The following GPC5 variants were observed in gnomAD, a reference collection of about 807,000 sequenced individuals.
GPC5 encodes glypican-5.
GPC5 carries 47 observed loss-of-function variants against 53.9 expected under a neutral mutation model. The observed-to-expected ratio is 0.87, with a 90% CI of 0.69 to 1.11. GPC5 has a LOEUF of 1.11. GPC5 is among the 50% of genes most tolerant of loss of function. GPC5 has a pLI of 0.00. For synonymous variants in GPC5, 286 were observed against 263.3 expected, an observed-to-expected ratio of 1.09 and a Z score of -0.84; for missense variants, 748 against 713.1, an observed-to-expected ratio of 1.05 and a Z score of -0.56.
At chr13:91,968,080 A>G (rs1033952347) in intron 6 of GPC5, among the ~76,000 whole-genome samples, 1 of 152,104 alleles carries the variant, frequency 6.6e-6, no homozygotes, top group African/African-American at 2.4e-5. Context: ...CTGTATTTGT[A>G]GAACACATAT....
intron 7 of GPC5, among the ~76,000 whole-genome samples, chr13:92,263,707 T>C (rs1018096469): frequency 6.6e-6 from 1 of 152,158 alleles, no homozygotes. Context: ...ACCCATAGTG[T>C]TCAATTTTTA....
At chr13:92,154,886 A>C (rs563462871) in intron 7 of GPC5, among the ~76,000 whole-genome samples, 9 of 152,356 alleles carry the variant, frequency 5.9e-5, no homozygotes, top group South Asian at 2.1e-4. Context: ...ACTTTATTCC[A>C]CATTAAATAT....
chr13:92,036,822 G>A (rs1227720417), intron 6 of GPC5, among the ~76,000 whole-genome samples: 2 of 152,104 alleles, frequency 1.3e-5, no homozygotes, highest in Non-Finnish European at 1.5e-5. Flanking sequence ...TGTTATACTT[G>A]TCTTCATTAG....
intron 7 of GPC5, among the ~76,000 whole-genome samples, chr13:92,615,435 G>A (rs1884648020): frequency 6.6e-6 from 1 of 152,150 alleles, no homozygotes; most frequent in East Asian, 1.9e-4. Flanking sequence ...ATGTGGTTTA[G>A]CAGGATTACT....
chr13:91,985,420 T>C (rs541802408), intron 6 of GPC5, among the ~76,000 whole-genome samples: 7 of 151,764 alleles, frequency 4.6e-5, no homozygotes, highest in Non-Finnish European at 7.4e-5. Context: ...AATTATTTGG[T>C]TCACTTCGAT....
chr13:92,709,449 C>A (rs957734311), intron 7 of GPC5: 1 of 152,164 alleles, frequency 6.6e-6, no homozygotes, highest in African/African-American at 2.4e-5. Context: ...AACAATCTTA[C>A]ATATCGATGA....
chr13:91,556,104 C>A (rs905309247), intron 2 of GPC5, among the ~76,000 whole-genome samples: 1 of 151,970 alleles, frequency 6.6e-6, no homozygotes, highest in African/African-American at 2.4e-5. Flanking sequence ...CCCCTGGCAA[C>A]CACTACTTTG....
In GPC5 at chr13:91,551,277, T is replaced by C. The variant is rs146241210; in HGVS notation, c.325+102355T>C. Among the ~76,000 whole-genome samples the C allele has an allele frequency of 9.5e-3, 1,440 of 152,190 alleles. 22 individuals carry two copies. The highest frequency in any genetic ancestry group is 0.033 in the African/African-American group (1,365 of 41,536). On this transcript the variant is annotated intron_variant, in intron 2 of 7. Transcript: ENST00000377067. ...AAATCTTTAAAAAATCAGAGTGAAA[T>C]GGAAAATTGCTCAGAGATGAAAATT...
At chr13:92,795,261 C>G (rs1876627960) in intron 7 of GPC5, among the ~76,000 whole-genome samples, 1 of 152,042 alleles carries the variant, frequency 6.6e-6, no homozygotes, top group South Asian at 2.1e-4. Flanking sequence ...CTTTGACAAA[C>G]CTACAAAAAC....
At chr13:92,271,721 T>A (rs578103840) in intron 7 of GPC5, among the ~76,000 whole-genome samples, 8 of 152,036 alleles carry the variant, frequency 5.3e-5, no homozygotes, top group African/African-American at 1.9e-4. Context: ...AGAAAGAAGG[T>A]AGAGCTCTAG....
intron 7 of GPC5, among the ~76,000 whole-genome samples, chr13:92,782,295 A>G (rs748518159): frequency 6.6e-6 from 1 of 152,140 alleles, no homozygotes; most frequent in Non-Finnish European, 1.5e-5. Flanking sequence ...TAATAATGTC[A>G]TGTACATTAT....
chr13:91,432,115 TTTTAAAACTTAGGGGATGAG>T (rs1879495217), intron 1 of GPC5, among the ~76,000 whole-genome samples: 1 of 150,774 alleles, frequency 6.6e-6, no homozygotes. Flanking sequence ...TTGAGGTCTC[TTTTAAAACTTAGGGGATGAG>T]ACTGCAGTTA....
At chr13:91,814,037 A>G (rs1419945101) in intron 5 of GPC5, among the ~76,000 whole-genome samples, 3 of 141,656 alleles carry the variant, frequency 2.1e-5, no homozygotes, top group African/African-American at 5.3e-5. Context: ...GGTTCAAGCC[A>G]TTCTCCTGCC....
chr13:92,546,748 C>T (rs561558575), intron 7 of GPC5, among the ~76,000 whole-genome samples: 6 of 152,254 alleles, frequency 3.9e-5, no homozygotes, highest in Non-Finnish European at 8.8e-5. Flanking sequence ...GGAGGCATCA[C>T]GCTACCTGAC....
At chr13:91,792,762 G>T (rs2037987189) in intron 5 of GPC5, among the ~76,000 whole-genome samples, 3 of 152,022 alleles carry the variant, frequency 2.0e-5, no homozygotes, top group Admixed American at 2.0e-4. Flanking sequence ...CATTTCTTTG[G>T]CTTCGAATGA....
rs150563443 is a variant in GPC5, at chr13:91,610,523, C to T, written c.326-82664C>T. ...TTCAAATGTGACAGTAGTTTTGTGG[C>T]GATATCAGCATTCCACCAGGAATTC... On this transcript the variant is annotated intron_variant, in intron 2 of 7. Transcript: ENST00000377067. Among the ~76,000 whole-genome samples, 284 of 152,210 alleles carry T rather than the reference C, an allele frequency of 1.9e-3. 1 individual carries two copies. The highest frequency in any genetic ancestry group is 3.5e-3 in the Non-Finnish European group (239 of 68,010).
intron 6 of GPC5, among the ~76,000 whole-genome samples, chr13:92,034,478 A>G (rs1292302296): frequency 1.3e-5 from 2 of 152,208 alleles, no homozygotes; most frequent in Admixed American, 6.5e-5. Flanking sequence ...AGCCTGGGCA[A>G]CAAGAGTGAA....
chr13:92,661,784 G>A (rs991368445), intron 7 of GPC5, among the ~76,000 whole-genome samples: 1 of 152,146 alleles, frequency 6.6e-6, no homozygotes, highest in Non-Finnish European at 1.5e-5. Context: ...TTTCATGGAA[G>A]TTATGCCAGC....
chr13:92,005,080 G>A (rs1045593102), intron 6 of GPC5, among the ~76,000 whole-genome samples: 3 of 152,068 alleles, frequency 2.0e-5, no homozygotes, highest in African/African-American at 7.2e-5. Flanking sequence ...ACACACCCAG[G>A]AACAATACTT....
Sources: gnomAD v4.1 joint callset for allele counts (sites outside exome capture counted in the v4.1 genomes callset) on GRCh38, gnomAD v4.1.1 for gene constraint, MANE v1.5 for transcripts, NCBI Gene and HGNC (gene_info 2026-07-23, HGNC 2026-07-21) for gene names.